HDAC9: variants seen among roughly 807,000 people sequenced by gnomAD.
HDAC9 encodes MEF-2 interacting transcription repressor (MITR) protein.
Under a neutral mutation model 139.4 loss-of-function variants are expected in HDAC9, and 41 were observed. That is an observed-to-expected ratio of 0.29 (90% CI 0.23 to 0.38). The LOEUF (loss-of-function observed/expected upper bound fraction) is 0.38. Ranked by LOEUF, HDAC9 falls within the 10% of genes least tolerant of loss-of-function variation. HDAC9 has a pLI of 1.00. For synonymous variants in HDAC9, 517 were observed against 476.2 expected (o/e 1.09, Z -1.12); for missense variants, 1,147 against 1,297.0 (o/e 0.88, Z 1.78).
rs991038718 is a variant in HDAC9 at position 18,813,115 on chromosome 7, T to C, written c.2323-16046T>C. ...CAGATTTTTGTCTTATACTTCTGAG[T>C]CATTTGTGAGTCTGTTTCTATTATC... is the stretch of plus-strand genomic sequence containing the variant. On this transcript the variant is annotated intron_variant, in intron 17 of 25. Transcript: ENST00000686413. 4.0e-5 allele frequency among the ~76,000 whole-genome samples: 6 copies of C among 151,798 alleles called. No homozygotes were observed. In the Admixed American group the frequency reaches 4.0e-4, roughly 10 times the overall value.
chr7:18,694,027 A>C lies in HDAC9; in HGVS notation c.1731+27551A>C, dbSNP rs1487990351. Among the ~76,000 whole-genome samples, 3 of 152,166 alleles carry C rather than the reference A, an allele frequency of 2.0e-5. No individual in the cohort carries two copies. The East Asian group carries it at 5.8e-4, about 29-fold the overall frequency. The stretch of plus-strand genomic sequence containing the variant: ...CACAGGATCCAAGCAAAACATCTTG[A>C]ATTGCTAGTACAGTAATAAATTATA... On this transcript the variant is annotated intron_variant, in intron 12 of 25. Transcript: ENST00000686413.
intron 3 of HDAC9, among the ~76,000 whole-genome samples, chr7:18,589,313 G>A (rs10245469): frequency 6.6e-6 from 1 of 152,120 alleles, no homozygotes; most frequent in African/African-American, 2.4e-5. Context: ...ATCACTTGAG[G>A]CCAGGAGTTT....
upstream of HDAC9, among the ~76,000 whole-genome samples, chr7:18,289,108 A>AT: frequency 6.6e-6 from 1 of 152,346 alleles, no homozygotes; most frequent in East Asian, 1.9e-4. Flanking sequence ...ACTATGAAGT[A>AT]TTGATTTCAG....
rs372750208 is a variant in HDAC9 at position 18,644,667 on chromosome 7, A to T, written c.913-4A>T. The T allele has an allele frequency of 1.1e-5, 17 of 1,604,934 alleles. No individual in the cohort carries two copies. The highest frequency in any genetic ancestry group is 1.4e-5 in the Non-Finnish European group (16 of 1,176,010). On this transcript the variant is annotated splice_polypyrimidine_tract_variant and splice_region_variant and intron_variant, in intron 8 of 25. Coordinates refer to ENST00000686413, the MANE Select transcript of HDAC9 (RefSeq NM_178425.4). ...ATTTTGAGACTCTCCTCTTTTTTTA[A>T]CAGCAAATGGTTTCACAGCAACGCA...
At chr7:18,881,724 TG>T (rs1799753943) in intron 22 of HDAC9, among the ~76,000 whole-genome samples, 1 of 152,164 alleles carries the variant, frequency 6.6e-6, no homozygotes, top group South Asian at 2.1e-4. Context: ...ATGTTATGGT[TG>T]TAATATTTCT....
chr7:18,091,992 A>G (rs149009052), intron 1 of HDAC9, among the ~76,000 whole-genome samples: 4 of 152,308 alleles, frequency 2.6e-5, no homozygotes, highest in African/African-American at 4.8e-5. Flanking sequence ...AGTCTTATAT[A>G]CTATAATATA....
chr7:18,575,335 T>A (rs1282333194), intron 2 of HDAC9, among the ~76,000 whole-genome samples: 4 of 152,238 alleles, frequency 2.6e-5, no homozygotes, highest in African/African-American at 9.6e-5. Context: ...ATCTTTAAAA[T>A]GGAAGATTTG....
Position 18,474,978 on chromosome 7 carries a change from T to C in HDAC9, c.-41-21284T>C, listed in dbSNP as rs1040565424. ...ACTTATTGGGAAGCATAAAATGTAA[T>C]TGAAAGATAGTCACAGTAAGTGTTA... On this transcript the variant is annotated intron_variant, in intron 1 of 3. Coordinates refer to the HDAC9 transcript ENST00000413509. 2.6e-5 allele frequency among the ~76,000 whole-genome samples: 4 copies of C among 152,318 alleles called. No individual in the cohort carries two copies. In the East Asian group the frequency reaches 5.8e-4, roughly 22 times the overall value.
chr7:18,665,510 TA>T (rs1168771709), intron 11 of HDAC9, among the ~76,000 whole-genome samples: 6 of 151,202 alleles, frequency 4.0e-5, no homozygotes, highest in African/African-American at 1.5e-4. Context: ...ATAAAATAAA[TA>T]AAATGTCTAA....
intron 22 of HDAC9, among the ~76,000 whole-genome samples, chr7:18,913,746 G>C (rs1164715603): frequency 6.7e-6 from 1 of 149,338 alleles, no homozygotes; most frequent in Non-Finnish European, 1.5e-5. Context: ...ATAATATATT[G>C]ACTAGCAGTG....
chr7:18,454,375 T>G (rs1793156911), intron 1 of HDAC9, among the ~76,000 whole-genome samples: 1 of 152,066 alleles, frequency 6.6e-6, no homozygotes, highest in Non-Finnish European at 1.5e-5. Context: ...AGTGTTATGT[T>G]TTCAGATACT....
At chr7:18,166,743 T>C (rs938155260) in intron 2 of HDAC9, among the ~76,000 whole-genome samples, 3 of 152,200 alleles carry the variant, frequency 2.0e-5, no homozygotes, top group Non-Finnish European at 4.4e-5. Context: ...AACTCTTTAA[T>C]GATTCACCAT....
intron 1 of HDAC9, among the ~76,000 whole-genome samples, chr7:18,410,251 G>A (rs1274440581): frequency 6.6e-6 from 1 of 152,168 alleles, no homozygotes; most frequent in African/African-American, 2.4e-5. Context: ...AGGGAGGTGG[G>A]ACTGCATGGG....
At chr7:18,853,441 A>G (rs1022250806) in intron 21 of HDAC9, among the ~76,000 whole-genome samples, 4 of 152,188 alleles carry the variant, frequency 2.6e-5, no homozygotes, top group Non-Finnish European at 4.4e-5. Flanking sequence ...GATGGTTACA[A>G]AATGAGCATC....
intron 1 of HDAC9, among the ~76,000 whole-genome samples, chr7:18,360,450 C>A (rs1783687007): frequency 6.6e-6 from 1 of 152,144 alleles, no homozygotes. Flanking sequence ...TCATTTTAAT[C>A]TTTTCCCCTA....
At chr7:18,583,935 C>G (rs1266961513) in intron 2 of HDAC9, among the ~76,000 whole-genome samples, 1 of 152,100 alleles carries the variant, frequency 6.6e-6, no homozygotes, top group East Asian at 1.9e-4. Context: ...TTCCTGTTGT[C>G]TTTAGCTTAA....
At chr7:18,629,592 T>A in intron 7 of HDAC9, 111 bp downstream of exon 7, 1 of 1,073,472 alleles carries the variant, frequency 9.3e-7, no homozygotes, top group Non-Finnish European at 1.3e-6. Context: ...AAGAAATATT[T>A]CTTGAAAGGA....
At chr7:18,611,909 G>T (rs1168933748) in intron 6 of HDAC9, among the ~76,000 whole-genome samples, 5 of 152,082 alleles carry the variant, frequency 3.3e-5, no homozygotes, top group African/African-American at 1.2e-4. Flanking sequence ...TTTTCTTTCT[G>T]CATCGAAATA....
chr7:18,815,378 C>T (rs1193819030), intron 17 of HDAC9, among the ~76,000 whole-genome samples: 1 of 152,090 alleles, frequency 6.6e-6, no homozygotes, highest in Non-Finnish European at 1.5e-5. Flanking sequence ...AAACAAATTG[C>T]TTTCAATGGG....
Sources: gnomAD v4.1 joint callset for allele counts (sites outside exome capture counted in the v4.1 genomes callset) on GRCh38, gnomAD v4.1.1 for gene constraint, MANE v1.5 for transcripts, NCBI Gene and HGNC (gene_info 2026-07-23, HGNC 2026-07-21) for gene names.